SLC39A6: variants seen among roughly 807,000 people sequenced by gnomAD.
The protein encoded by SLC39A6 is zinc transporter ZIP6.
In SLC39A6, 51 loss-of-function variants were observed where a neutral mutation model predicts 63.5. That is an observed-to-expected ratio of 0.80 (90% CI 0.64 to 1.01). SLC39A6 has a LOEUF of 1.01. SLC39A6 is among the 50% of genes least tolerant of loss of function. The pLI is 0.00. For missense variants in SLC39A6, 805 were observed against 927.8 expected (o/e 0.87, Z 1.72); for synonymous variants, 318 against 324.7 (o/e 0.98, Z 0.22).
At chr18:36,115,819 C>A (rs1329877858) in intron 6 of SLC39A6, among the ~76,000 whole-genome samples, 1 of 152,048 alleles carries the variant, frequency 6.6e-6, no homozygotes, top group Non-Finnish European at 1.5e-5. Flanking sequence ...CTCAGTCTGT[C>A]CGACAAGATA....
intron 6 of SLC39A6, among the ~76,000 whole-genome samples, chr18:36,115,738 C>G (rs751086216): frequency 1.2e-4 from 19 of 152,054 alleles, no homozygotes; most frequent in South Asian, 2.1e-4. Context: ...GTGAACAATG[C>G]GGGAGAGTGG....
Position 36,114,197 on chromosome 18 carries a change from G to C in SLC39A6, c.1743C>G (p.Arg581=), listed in dbSNP as rs2089324441. The C allele has an allele frequency of 9.9e-6, 16 of 1,614,194 alleles. No individual in the cohort carries two copies. The highest frequency in any genetic ancestry group is 1.4e-5 in the Non-Finnish European group (16 of 1,180,034). Residue 581 remains arginine (R), a synonymous_variant, in exon 7 of 10, where the codon CGC becomes CGG. Coordinates refer to ENST00000269187, the MANE Select transcript of SLC39A6 (RefSeq NM_012319.4). ...QNHHPHSHSQ[R]YSREELKDAG... The stretch of plus-strand genomic sequence containing the variant: ...CATCTTTCAGCTCCTCCCGAGAGTA[G>C]CGCTGGCTGTGACTGTGAGGATGGT...
rs753835650 is a variant in SLC39A6, at chr18:36,123,686, A to G, written c.971-22T>C. On this transcript the variant is annotated intron_variant, in intron 3 of 9. Coordinates refer to ENST00000269187, the MANE Select transcript of SLC39A6 (RefSeq NM_012319.4). The stretch of plus-strand genomic sequence containing the variant: ...CAGGCTGTCAAACAAAACAAAACAG[A>G]GCAAAGAAAAATTATACAACTAATA... 1.9e-6 allele frequency: 3 copies of G among 1,576,214 alleles called. No homozygotes were observed. In the South Asian group the frequency reaches 3.6e-5, roughly 19 times the overall value.
chr18:36,113,301 G>A (rs2089316749), intron 7 of SLC39A6, among the ~76,000 whole-genome samples: 2 of 151,448 alleles, frequency 1.3e-5, no homozygotes, highest in Admixed American at 6.6e-5. Context: ...GTCTCACTAT[G>A]CTGTCTAGGC....
At chr18:36,117,525 C>G (rs188311068) in intron 5 of SLC39A6, among the ~76,000 whole-genome samples, 162 of 151,982 alleles carry the variant, frequency 1.1e-3, no homozygotes, top group African/African-American at 3.7e-3. Context: ...TAAGTCCAAG[C>G]AGCCTTTATG....
intron 6 of SLC39A6, among the ~76,000 whole-genome samples, chr18:36,116,304 A>G (rs1218322112): frequency 6.6e-6 from 1 of 152,188 alleles, no homozygotes; most frequent in Admixed American, 6.5e-5. Context: ...ATGGTTTAGA[A>G]AAAAAGTGTG....
At chr18:36,123,755 G>T in intron 3 of SLC39A6, 91 bp from the exon 4 acceptor site, 1 of 1,263,690 alleles carries the variant, frequency 7.9e-7, no homozygotes, top group Non-Finnish European at 1.1e-6. Flanking sequence ...AAAGCAACAC[G>T]TAAAAGGAGA....
chr18:36,114,887 T>C (rs1270697545), intron 6 of SLC39A6, among the ~76,000 whole-genome samples: 1 of 152,164 alleles, frequency 6.6e-6, no homozygotes, highest in East Asian at 1.9e-4. Flanking sequence ...TAAAAAAACA[T>C]GCATAATCCT....
chr18:36,128,498 G>A (rs2089470218), intron 1 of SLC39A6, among the ~76,000 whole-genome samples: 1 of 152,226 alleles, frequency 6.6e-6, no homozygotes, highest in African/African-American at 2.4e-5. Flanking sequence ...GGGAAATGGA[G>A]GTACGGCGTA....
At chr18:36,128,284 C>T (rs906804993) in intron 1 of SLC39A6, among the ~76,000 whole-genome samples, 1 of 152,186 alleles carries the variant, frequency 6.6e-6, no homozygotes, top group African/African-American at 2.4e-5. Context: ...GTCAAGTTTA[C>T]AACTAAGCAA....
rs761118788 is a variant in SLC39A6 at position 36,112,699 on chromosome 18, T to C, written c.1844-118A>G. Reference sequence around the variant, plus strand: ...TTTTGGCTGTGAATGAATAGAAGTTTCCCAAACCAACTCTGTATCTTCTTT... The same window carrying C: ...TTTTGGCTGTGAATGAATAGAAGTTCCCCAAACCAACTCTGTATCTTCTTT... On this transcript the variant is annotated intron_variant, in intron 7 of 9. Transcript: ENST00000269187. 4.4e-4 allele frequency: 315 copies of C among 713,304 alleles called. 1 individual carries two copies. Among genetic ancestry groups the C allele is most frequent in the Middle Eastern group, 1.2e-3 (4 of 3,202 alleles). The allele number at this position is 713,304 out of a possible 1,614,324, so 44.2% of individuals were successfully genotyped here. A position where few individuals can be genotyped will look rare whatever the true frequency, so the allele number is the denominator to read the frequency against.
chr18:36,110,910 G>C, intron 9 of SLC39A6, 149 bp downstream of exon 9: 3 of 1,276,276 alleles, frequency 2.4e-6, no homozygotes, highest in Non-Finnish European at 3.2e-6. Context: ...AGGATCATTT[G>C]GGCTCAGGAA....
At position 36,113,410 on chromosome 18, in the gene SLC39A6, C is replaced by T. The variant is rs555974440; in HGVS notation, c.1843+687G>A. Among the ~76,000 whole-genome samples, 8 of 152,144 alleles carry T rather than the reference C, an allele frequency of 5.3e-5. No homozygotes were observed. In the South Asian group the frequency reaches 8.3e-4, roughly 16 times the overall value. On this transcript the variant is annotated intron_variant, in intron 7 of 9. Coordinates refer to ENST00000269187, the MANE Select transcript of SLC39A6 (RefSeq NM_012319.4). Reference sequence around the variant, plus strand: ...TACCGCACCCAGCCGACTGTGCAATCGGACATTCCTCCTTTGTCTGTTTCA... The same window carrying T: ...TACCGCACCCAGCCGACTGTGCAATTGGACATTCCTCCTTTGTCTGTTTCA...
At chr18:36,117,797 C>G (rs1322640028) in intron 5 of SLC39A6, among the ~76,000 whole-genome samples, 1 of 152,038 alleles carries the variant, frequency 6.6e-6, no homozygotes, top group Admixed American at 6.6e-5. Flanking sequence ...TTTGGGAGGC[C>G]GAGGTGGGCG....
intron 4 of SLC39A6, among the ~76,000 whole-genome samples, 196 bp from the exon 5 acceptor site, chr18:36,122,466 T>C (rs1370416480): frequency 6.6e-6 from 1 of 152,212 alleles, no homozygotes; most frequent in Non-Finnish European, 1.5e-5. Context: ...ATGCATGTCA[T>C]GTACTTCAGA....
intron 4 of SLC39A6, among the ~76,000 whole-genome samples, chr18:36,122,966 C>A (rs2089406504): frequency 6.6e-6 from 1 of 152,186 alleles, no homozygotes; most frequent in African/African-American, 2.4e-5. Context: ...TACTTGAAAA[C>A]CTTTAATGGG....
chr18:36,125,286 T>C lies in SLC39A6; in HGVS notation c.790-586A>G, dbSNP rs192397495. On this transcript the variant is annotated intron_variant, in intron 2 of 9. Transcript: ENST00000269187. ...CCGGCAGGCAGATGTTTTCAACTAT[T>C]TAATTAGATGACAAACTTAGTTTGA... Among the ~76,000 whole-genome samples the C allele has an allele frequency of 4.0e-5, 6 of 151,164 alleles. No homozygotes were observed. In the East Asian group the frequency reaches 1.2e-3, roughly 29 times the overall value.
Position 36,108,892 on chromosome 18 carries a change from T to G in SLC39A6, c.*701A>C, listed in dbSNP as rs1337487853. 3.9e-5 allele frequency: 6 copies of G among 152,210 alleles called. No homozygotes were observed. Among genetic ancestry groups the G allele is most frequent in the African/African-American group, 1.4e-4 (6 of 41,462 alleles). The allele number at this position is 152,210 out of a possible 1,614,324, so 9.4% of individuals were successfully genotyped here. ...GCACGAACATTTTGAAATTCCAATT[T>G]CTTGGTCAAGTGATATATTGCTTGA... On this transcript the variant is annotated 3_prime_UTR_variant, in exon 10 of 10. Transcript: ENST00000269187.
intron 7 of SLC39A6, among the ~76,000 whole-genome samples, chr18:36,113,878 T>C (rs2144499681): frequency 1.3e-5 from 2 of 152,320 alleles, no homozygotes; most frequent in South Asian, 4.1e-4. Context: ...AGTTACAATT[T>C]AGGTAATGGG....
Sources: allele counts gnomAD v4.1 joint callset (sites outside exome capture counted in the v4.1 genomes callset), GRCh38; gene constraint gnomAD v4.1.1; transcripts MANE v1.5; gene names NCBI Gene and HGNC (gene_info 2026-07-23, HGNC 2026-07-21).